Variants in GDA observed in about 807,000 individuals in gnomAD.
GDA encodes the protein cytoplasmic PSD-95 interactor.
GDA carries 18 observed loss-of-function variants against 59.6 expected under a neutral mutation model. The ratio of observed to expected loss-of-function variants is 0.30; its 90% CI spans 0.21 to 0.45. The LOEUF is 0.45. Ranked by LOEUF, GDA falls within the 20% of genes least tolerant of loss-of-function variation. GDA has a pLI of 1.00. For missense variants in GDA, 427 were observed against 552.3 expected, an observed-to-expected ratio of 0.77 and a Z score of 2.27; for synonymous variants, 201 against 201.1, an observed-to-expected ratio of 1.00 and a Z score of 0.00.
At chr9:72,227,752 G>A (rs1837779274) in intron 8 of GDA, among the ~76,000 whole-genome samples, 191 bp from the exon 9 acceptor site, 1 of 152,194 alleles carries the variant, frequency 6.6e-6, no homozygotes, top group Non-Finnish European at 1.5e-5. Context: ...GTAAGACAAT[G>A]TGTTTACAGG....
chr9:72,158,611 T>TGGATTAATA (rs1245601241), intron 1 of GDA, among the ~76,000 whole-genome samples: 1 of 151,118 alleles, frequency 6.6e-6, no homozygotes, highest in Non-Finnish European at 1.5e-5. Context: ...AAAAAAAATG[T>TGGATTAATA]GGATTAATAG....
chr9:72,245,669 T>C (rs77833335), intron 12 of GDA, among the ~76,000 whole-genome samples: 14,072 of 152,196 alleles, frequency 0.092, 682 homozygotes, highest in Middle Eastern at 0.12. Flanking sequence ...ATAGGGGCAG[T>C]GAGGCTTAAG....
intron 10 of GDA, among the ~76,000 whole-genome samples, chr9:72,239,858 T>C (rs1839421413): frequency 6.6e-6 from 1 of 152,158 alleles, no homozygotes; most frequent in African/African-American, 2.4e-5. Context: ...TAAGGACATG[T>C]AGGATAGTTG....
intron 1 of GDA, among the ~76,000 whole-genome samples, chr9:72,118,426 A>G (rs1001867136): frequency 6.6e-6 from 1 of 152,262 alleles, no homozygotes. Context: ...TTCCTCATTC[A>G]TACTTACAGT....
chr9:72,202,837 T>A lies in GDA; in HGVS notation c.384+95T>A, dbSNP rs1834174935. On this transcript the variant is annotated intron_variant, in intron 3 of 13. Transcript: ENST00000358399. ...ATTTAAATTATAAAGCATAAGCAGT[T>A]AAGCCTAAGATGGGCCATAGAGAAT... 4 of 975,606 alleles carry A rather than the reference T, an allele frequency of 4.1e-6. No individual in the cohort carries two copies. The East Asian group carries it at 7.4e-5, about 18-fold the overall frequency. 60.4% of individuals were successfully genotyped at this position (975,606 alleles called of 1,614,324 possible). A position where few individuals can be genotyped will look rare whatever the true frequency, so the allele number is the denominator to read the frequency against.
At chr9:72,119,452 T>TCGGG (rs1279754307) in intron 1 of GDA, among the ~76,000 whole-genome samples, 1 of 152,204 alleles carries the variant, frequency 6.6e-6, no homozygotes, top group Non-Finnish European at 1.5e-5. Flanking sequence ...TGAGCTGTGA[T>TCGGG]CGGGCCACTG....
intron 3 of GDA, among the ~76,000 whole-genome samples, chr9:72,208,254 C>G (rs1834962615): frequency 6.6e-6 from 1 of 152,150 alleles, no homozygotes; most frequent in African/African-American, 2.4e-5. Context: ...CTGTACTAGT[C>G]AAGAAAACCC....
At chr9:72,220,293 A>G (rs115647157) in intron 6 of GDA, among the ~76,000 whole-genome samples, 411 of 152,328 alleles carry the variant, frequency 2.7e-3, no homozygotes, top group African/African-American at 9.1e-3. Flanking sequence ...CTCTGTACCT[A>G]GCCCTCTGTG....
At chr9:72,125,567 T>G (rs565196883) in intron 1 of GDA, among the ~76,000 whole-genome samples, 2 of 152,310 alleles carry the variant, frequency 1.3e-5, no homozygotes, top group South Asian at 4.1e-4. Context: ...AATAAAATCA[T>G]GTACTTAGAA....
intron 13 of GDA, among the ~76,000 whole-genome samples, chr9:72,247,911 G>C (rs1396799832): frequency 2.0e-5 from 3 of 152,140 alleles, no homozygotes; most frequent in Admixed American, 2.0e-4. Flanking sequence ...ATGGAAAGAT[G>C]CATGTGTTAC....
At chr9:72,132,200 C>T (rs1358751285) in intron 1 of GDA, among the ~76,000 whole-genome samples, 4 of 152,174 alleles carry the variant, frequency 2.6e-5, no homozygotes, top group Non-Finnish European at 5.9e-5. Flanking sequence ...ATGTCTCACC[C>T]TTCTAGGTCC....
chr9:72,157,022 T>C (rs1306601578), intron 1 of GDA, among the ~76,000 whole-genome samples: 1 of 149,900 alleles, frequency 6.7e-6, no homozygotes, highest in Non-Finnish European at 1.5e-5. Flanking sequence ...ATCAGACTTC[T>C]AGACTTCCTT....
At chr9:72,152,093 C>T (rs1184411260) in intron 1 of GDA, among the ~76,000 whole-genome samples, 3 of 152,052 alleles carry the variant, frequency 2.0e-5, no homozygotes, top group Admixed American at 6.6e-5. Flanking sequence ...ACGCAGGTAG[C>T]GGGTGGATTA....
chr9:72,186,481 A>T (rs1335874391), intron 1 of GDA, among the ~76,000 whole-genome samples: 2 of 152,086 alleles, frequency 1.3e-5, no homozygotes, highest in Non-Finnish European at 2.9e-5. Context: ...AGAAACCATC[A>T]CACTCCACAT....
chr9:72,156,844 A>G (rs776269167), intron 1 of GDA, among the ~76,000 whole-genome samples: 2 of 152,100 alleles, frequency 1.3e-5, no homozygotes, highest in Non-Finnish European at 2.9e-5. Flanking sequence ...GGATGTGGGA[A>G]GAGAAGCCCT....
chr9:72,228,300 A>G (rs1246967794), intron 9 of GDA: 1 of 390,794 alleles, frequency 2.6e-6, no homozygotes, highest in Non-Finnish European at 4.7e-6. Flanking sequence ...AATAGGGAAT[A>G]CAACATAAAA....
At chr9:72,185,457 T>C (rs1052132569) in intron 1 of GDA, among the ~76,000 whole-genome samples, 1 of 152,226 alleles carries the variant, frequency 6.6e-6, no homozygotes, top group Admixed American at 6.5e-5. Context: ...ACGGGGTTTT[T>C]TCCCCCACTT....
chr9:72,174,037 A>T (rs1318204209), intron 1 of GDA, among the ~76,000 whole-genome samples: 1 of 152,204 alleles, frequency 6.6e-6, no homozygotes, highest in African/African-American at 2.4e-5. Flanking sequence ...CCTTACAACC[A>T]TTGTTCCATT....
rs201850416 is a variant in GDA, at chr9:72,248,536, G to A, written c.*194G>A. The A allele has an allele frequency of 3.7e-6, 5 of 1,361,104 alleles. No individual in the cohort carries two copies. In the East Asian group the frequency reaches 1.4e-4, roughly 39 times the overall value. 84.3% of individuals were successfully genotyped at this position (1,361,104 alleles called of 1,614,324 possible). A position where few individuals can be genotyped will look rare whatever the true frequency, so the allele number is the denominator to read the frequency against. Reference sequence around the variant, plus strand: ...CTAATTCTCAACTCTGGTTGAGAGGGTTCATAAATTTCATGAAAATATCTC... The same window carrying A: ...CTAATTCTCAACTCTGGTTGAGAGGATTCATAAATTTCATGAAAATATCTC... On this transcript the variant is annotated 3_prime_UTR_variant, in exon 14 of 14. Transcript: ENST00000358399.
Sources: gnomAD v4.1 joint callset for allele counts (sites outside exome capture counted in the v4.1 genomes callset) on GRCh38, gnomAD v4.1.1 for gene constraint, MANE v1.5 for transcripts, NCBI Gene and HGNC (gene_info 2026-07-23, HGNC 2026-07-21) for gene names.